NFIL3: variants seen among roughly 807,000 people sequenced by gnomAD.
NFIL3 encodes nuclear factor, interleukin 3 regulated.
In NFIL3, 5 loss-of-function variants were observed where a neutral mutation model predicts 10.0. That is an observed-to-expected ratio of 0.50 (90% CI 0.26 to 1.06). The LOEUF is 1.06. Among genes scored for constraint, NFIL3 ranks in the 50% least tolerant of loss-of-function variants. The probability of loss-of-function intolerance (pLI) is 0.13; values close to 1 mark genes in which losing one functional copy is unlikely to be tolerated. For missense variants in NFIL3, 436 were observed against 547.6 expected (o/e 0.80, Z 2.03); for synonymous variants, 202 against 206.5 (o/e 0.98, Z 0.19).
chr9:91,441,704 A>C, the NFIL3 span, among the ~76,000 whole-genome samples: 2 of 152,154 alleles, frequency 1.3e-5, no homozygotes, highest in Admixed American at 6.5e-5. Context: ...GGCTTGCATA[A>C]AACTTCTTAT....
chr9:91,416,617 T>C (rs919195520), intron 1 of NFIL3, among the ~76,000 whole-genome samples: 3 of 152,244 alleles, frequency 2.0e-5, no homozygotes, highest in Admixed American at 2.0e-4. Flanking sequence ...TTAGATGATA[T>C]GACTCTCCTT....
the NFIL3 span, among the ~76,000 whole-genome samples, chr9:91,468,850 A>T: frequency 1.3e-5 from 2 of 151,888 alleles, no homozygotes; most frequent in African/African-American, 4.8e-5. Context: ...ATGGTTGTAG[A>T]TGTGTGATGT....
chr9:91,415,066 C>T (rs756259355), intron 1 of NFIL3, among the ~76,000 whole-genome samples: 20 of 152,124 alleles, frequency 1.3e-4, no homozygotes, highest in Non-Finnish European at 1.5e-5. Flanking sequence ...TTATTCAACA[C>T]ATATGGAGCA....
Position 91,409,722 on chromosome 9 carries a change from A to G in NFIL3, c.1013T>C (p.Val338Ala). ...RIKAKAMQIK[V>A]EAFDNEFEAT... Reference sequence around the variant, plus strand: ...CTCAAATTCATTATCAAAGGCTTCTACTTTGATCTGCATGGCTTTGGCTTT... The same window carrying G: ...CTCAAATTCATTATCAAAGGCTTCTGCTTTGATCTGCATGGCTTTGGCTTT... Residue 338 changes from valine to alanine, a missense_variant, in exon 2 of 2, where the codon GTA (valine) becomes GCA (alanine). This residue lies in a region of NFIL3 where 338 missense variants were observed against 399.9 expected (regional missense o/e 0.85). Coordinates refer to ENST00000297689, the MANE Select transcript of NFIL3 (RefSeq NM_005384.3). 1 of 1,614,212 alleles carries G rather than the reference A, an allele frequency of 6.2e-7. No individual in the cohort carries two copies. Among genetic ancestry groups the G allele is most frequent in the Non-Finnish European group, 8.5e-7 (1 of 1,180,040 alleles).
Position 91,410,641 on chromosome 9 carries a change from A to C in NFIL3, c.94T>G (p.Leu32Val), listed in dbSNP as rs2117949474. ...VDKMMVLNSALTEVSEDSTTG... is the reference protein window; with the variant it reads ...VDKMMVLNSAVTEVSEDSTTG... ...GTGGAGTCTTCTGACACTTCCGTTA[A>C]AGCAGAATTAAGGACCATCATCTTG... The change falls in exon 2 of 2, where the codon TTA (leucine) becomes GTA (valine). Residue 32 changes from leucine (L) to valine (V), a missense_variant. Physicochemically the swap from Leu to Val is conservative, Grantham distance 32 (BLOSUM62 1). Coordinates refer to ENST00000297689, the MANE Select transcript of NFIL3 (RefSeq NM_005384.3). This position sits in a 1 kb window ranked among gnomAD's most constrained non-coding sequence, Gnocchi z 5.7. The C allele has an allele frequency of 6.2e-7, 1 of 1,614,208 alleles. No individual in the cohort carries two copies.
chr9:91,417,384 AT>A (rs1833676810), intron 1 of NFIL3, among the ~76,000 whole-genome samples: 2 of 152,202 alleles, frequency 1.3e-5, no homozygotes, highest in Non-Finnish European at 2.9e-5. Flanking sequence ...GATAAATGTC[AT>A]TTTCATGAAA....
the NFIL3 span, among the ~76,000 whole-genome samples, chr9:91,432,167 G>A: frequency 3.9e-5 from 6 of 152,268 alleles, no homozygotes; most frequent in African/African-American, 4.8e-5. Context: ...ACACTGTCAG[G>A]TTAGTTCTGA....
the NFIL3 span, among the ~76,000 whole-genome samples, chr9:91,452,066 A>G: frequency 5.9e-5 from 9 of 152,168 alleles, no homozygotes; most frequent in Admixed American, 2.0e-4. Flanking sequence ...TAACCTGGAA[A>G]ACTAGTTTAG....
chr9:91,413,456 G>A (rs545182498), intron 1 of NFIL3, among the ~76,000 whole-genome samples: 6 of 152,124 alleles, frequency 3.9e-5, no homozygotes, highest in African/African-American at 1.4e-4. Context: ...TTACCATGTT[G>A]GTCAGGCTGG....
At chr9:91,477,067 T>C in the NFIL3 span, among the ~76,000 whole-genome samples, 1 of 152,190 alleles carries the variant, frequency 6.6e-6, no homozygotes, top group South Asian at 2.1e-4. Context: ...TCCCATTTGT[T>C]TTCTCACAGT....
intron 1 of NFIL3, among the ~76,000 whole-genome samples, chr9:91,412,260 C>T (rs1428896465): frequency 6.6e-6 from 1 of 152,064 alleles, no homozygotes; most frequent in Non-Finnish European, 1.5e-5. Context: ...GAATTAGTTT[C>T]AAGTAAAATA....
At chr9:91,450,395 A>G in the NFIL3 span, among the ~76,000 whole-genome samples, 1 of 152,090 alleles carries the variant, frequency 6.6e-6, no homozygotes, top group Non-Finnish European at 1.5e-5. Flanking sequence ...GTTTTGGTAT[A>G]CTAGTTTGGT....
At chr9:91,456,268 A>C in the NFIL3 span, among the ~76,000 whole-genome samples, 7 of 152,162 alleles carry the variant, frequency 4.6e-5, no homozygotes, top group African/African-American at 1.7e-4. Context: ...GATCAGTCAC[A>C]TTGTAGGTTA....
the NFIL3 span, among the ~76,000 whole-genome samples, chr9:91,443,721 C>T: frequency 2.0e-5 from 3 of 152,156 alleles, no homozygotes; most frequent in Non-Finnish European, 2.9e-5. Flanking sequence ...TGGGTGGCTG[C>T]AGGACTCTTG....
the NFIL3 span, among the ~76,000 whole-genome samples, chr9:91,465,486 T>G: frequency 2.1e-5 from 2 of 95,114 alleles, no homozygotes; most frequent in South Asian, 3.8e-4. Context: ...ATTATCCATG[T>G]TTTTTTTTGC....
the NFIL3 span, among the ~76,000 whole-genome samples, chr9:91,457,998 T>A: frequency 2.0e-5 from 3 of 152,216 alleles, no homozygotes; most frequent in Middle Eastern, 3.4e-3. Context: ...CAACCTTGTA[T>A]TCATGGGATA....
chr9:91,447,906 T>C, the NFIL3 span, among the ~76,000 whole-genome samples: 1 of 152,214 alleles, frequency 6.6e-6, no homozygotes, highest in Non-Finnish European at 1.5e-5. Context: ...AGAAATTTAT[T>C]GCCAAATCCA....
chr9:91,465,589 G>A, the NFIL3 span, among the ~76,000 whole-genome samples: 1 of 151,740 alleles, frequency 6.6e-6, no homozygotes, highest in East Asian at 1.9e-4. Context: ...TTCACCATTT[G>A]TGTCATAGCT....
the NFIL3 span, among the ~76,000 whole-genome samples, chr9:91,437,045 C>A: frequency 1.1e-3 from 165 of 152,274 alleles, 1 homozygote; most frequent in South Asian, 3.1e-3. Context: ...GCGCAGTTCC[C>A]AGTAGAGTTC....
Sources: gnomAD v4.1 joint callset for allele counts (sites outside exome capture counted in the v4.1 genomes callset) on GRCh38, gnomAD v4.1.1 for gene constraint, gnomAD v4.1.1 regional missense constraint, Gnocchi (gnomAD v3.1) non-coding constraint, MANE v1.5 for transcripts, NCBI Gene and HGNC (gene_info 2026-07-23, HGNC 2026-07-21) for gene names.